Variants in NFATC1 observed in about 807,000 individuals in gnomAD.
NFATC1 encodes the protein nuclear factor of activated T-cells, cytoplasmic 1.
Under a neutral mutation model 76.0 loss-of-function variants are expected in NFATC1, and 22 were observed. The ratio of observed to expected loss-of-function variants is 0.29; its 90% confidence interval spans 0.21 to 0.41. The LOEUF (loss-of-function observed/expected upper bound fraction) is 0.41. NFATC1 is among the 10% of genes least tolerant of loss of function. The probability of loss-of-function intolerance (pLI) is 1.00; values close to 1 mark genes in which losing one functional copy is unlikely to be tolerated. For synonymous variants in NFATC1, 704 were observed against 613.1 expected, an observed-to-expected ratio of 1.15 and a Z score of -2.19; for missense variants, 1,357 against 1,337.7, an observed-to-expected ratio of 1.01 and a Z score of -0.23.
intron 8 of NFATC1, chr18:79,468,165 T>A: frequency 1.2e-5 from 2 of 164,092 alleles, no homozygotes; most frequent in Non-Finnish European, 1.2e-5. Context: ...GAATGGCTCC[T>A]TTTCACTCAT....
intron 6 of NFATC1, among the ~76,000 whole-genome samples, chr18:79,458,677 G>C (rs1192012016): frequency 6.6e-6 from 1 of 152,250 alleles, no homozygotes; most frequent in Non-Finnish European, 1.5e-5. Context: ...TGAACACAAA[G>C]GCCCTTTCAG....
intron 7 of NFATC1, among the ~76,000 whole-genome samples, chr18:79,464,391 G>A (rs755134256): frequency 6.6e-6 from 1 of 151,960 alleles, no homozygotes; most frequent in African/African-American, 2.4e-5. Flanking sequence ...CACCGCGCCC[G>A]GCCTGCTGTT....
intron 6 of NFATC1, among the ~76,000 whole-genome samples, chr18:79,459,205 T>C (rs934352958): frequency 6.6e-6 from 1 of 152,224 alleles, no homozygotes; most frequent in African/African-American, 2.4e-5. Flanking sequence ...TGGAGGCTGC[T>C]CCATGGCAGC....
intron 8 of NFATC1, among the ~76,000 whole-genome samples, chr18:79,476,523 G>A (rs569977904): frequency 5.3e-5 from 8 of 152,360 alleles, no homozygotes; most frequent in Admixed American, 1.3e-4. Flanking sequence ...CCCCACTTGC[G>A]CTTCCCCTCG....
intron 1 of NFATC1, among the ~76,000 whole-genome samples, chr18:79,405,146 G>A (rs1041293913): frequency 8.5e-5 from 13 of 152,228 alleles, no homozygotes; most frequent in African/African-American, 1.7e-4. Flanking sequence ...ATGGCTGAGC[G>A]AGCCGGTGAG....
chr18:79,454,269 C>G (rs756759212), intron 6 of NFATC1, among the ~76,000 whole-genome samples: 2 of 152,194 alleles, frequency 1.3e-5, no homozygotes, highest in African/African-American at 4.8e-5. Flanking sequence ...AGGCCAGGGT[C>G]GGCTCCACCC....
At chr18:79,424,845 G>A (rs915412331) in intron 2 of NFATC1, among the ~76,000 whole-genome samples, 2 of 124,480 alleles carry the variant, frequency 1.6e-5, no homozygotes, top group South Asian at 2.5e-4. Flanking sequence ...CTCTGTCTCT[G>A]TTTCTCTGTC....
chr18:79,432,481 C>T (rs1453687782), intron 2 of NFATC1, among the ~76,000 whole-genome samples: 1 of 147,000 alleles, frequency 6.8e-6, no homozygotes, highest in East Asian at 2.0e-4. Flanking sequence ...ATCTGATGAG[C>T]AGTGCTGGTC....
rs2086362960 is a variant in NFATC1, at chr18:79,427,009, A to G, written c.1227-6570A>G. 2.0e-5 allele frequency among the ~76,000 whole-genome samples: 3 copies of G among 152,286 alleles called. No individual in the cohort carries two copies. The South Asian group carries it at 6.2e-4, about 32-fold the overall frequency. Reference sequence around the variant, plus strand: ...ATGGGTTGGGAATGGTGGGGGCTCCATGTCTGCAGCAGCCACGGCAGAAGC... The same window carrying G: ...ATGGGTTGGGAATGGTGGGGGCTCCGTGTCTGCAGCAGCCACGGCAGAAGC... On this transcript the variant is annotated intron_variant, in intron 2 of 9. Transcript: ENST00000427363.
intron 9 of NFATC1, among the ~76,000 whole-genome samples, chr18:79,523,020 C>G (rs1229038800): frequency 6.6e-6 from 1 of 152,182 alleles, no homozygotes; most frequent in African/African-American, 2.4e-5. Context: ...GCTCTGGGGT[C>G]CCTGGCAGCC....
intron 9 of NFATC1, among the ~76,000 whole-genome samples, chr18:79,487,865 C>T (rs140250700): frequency 2.2e-4 from 34 of 151,834 alleles, no homozygotes; most frequent in Middle Eastern, 3.5e-3. Flanking sequence ...CGTTAGAGGG[C>T]GATTCCGCTC....
chr18:79,510,585 G>C (rs555607503), intron 9 of NFATC1, among the ~76,000 whole-genome samples: 1 of 152,178 alleles, frequency 6.6e-6, no homozygotes, highest in Non-Finnish European at 1.5e-5. Flanking sequence ...TTATTTCAGC[G>C]GTCTTTTCTG....
chr18:79,442,664 T>C (rs2087028616), intron 3 of NFATC1, among the ~76,000 whole-genome samples: 1 of 152,116 alleles, frequency 6.6e-6, no homozygotes, highest in African/African-American at 2.4e-5. Flanking sequence ...GTGGCAGCAG[T>C]GTGCGGTTGT....
intron 9 of NFATC1, among the ~76,000 whole-genome samples, chr18:79,520,186 C>T (rs2090481429): frequency 6.6e-6 from 1 of 152,224 alleles, no homozygotes; most frequent in Non-Finnish European, 1.5e-5. Context: ...CCCCTCCGGG[C>T]CCCTCACGGG....
intron 9 of NFATC1, among the ~76,000 whole-genome samples, chr18:79,511,443 T>C (rs961578333): frequency 6.6e-6 from 1 of 152,168 alleles, no homozygotes; most frequent in Admixed American, 6.5e-5. Flanking sequence ...TCAGTGCTGC[T>C]AACACAGACA....
intron 9 of NFATC1, among the ~76,000 whole-genome samples, chr18:79,513,069 C>T (rs1422244772): frequency 4.6e-5 from 7 of 152,214 alleles, no homozygotes; most frequent in Non-Finnish European, 8.8e-5. Flanking sequence ...GCTTTAAAAA[C>T]GGTATCACTT....
At chr18:79,398,032 AC>A (rs2085064202) in intron 1 of NFATC1, among the ~76,000 whole-genome samples, 1 of 152,072 alleles carries the variant, frequency 6.6e-6, no homozygotes, top group African/African-American at 2.4e-5. Flanking sequence ...CATCGCTGAG[AC>A]CACCGGGAAG....
At chr18:79,409,119 A>C (rs2085551029) in intron 1 of NFATC1, among the ~76,000 whole-genome samples, 1 of 91,622 alleles carries the variant, frequency 1.1e-5, no homozygotes, top group Admixed American at 1.4e-4. Context: ...CCATCAAACC[A>C]TTATTCCTCC....
chr18:79,502,378 G>T (rs905347826), intron 9 of NFATC1, among the ~76,000 whole-genome samples: 9 of 152,206 alleles, frequency 5.9e-5, no homozygotes, highest in Non-Finnish European at 1.2e-4. Flanking sequence ...CGTTTTTGGA[G>T]ATAGCACATG....
Sources: gnomAD v4.1 joint callset for allele counts (sites outside exome capture counted in the v4.1 genomes callset) on GRCh38, gnomAD v4.1.1 for gene constraint, MANE v1.5 for transcripts, NCBI Gene and HGNC (gene_info 2026-07-23, HGNC 2026-07-21) for gene names.